Variants in LINGO2 observed in about 807,000 individuals in gnomAD.
The protein encoded by LINGO2 is leucine-rich repeat and immunoglobulin-like domain-containing nogo receptor-interacting protein 2.
In LINGO2, 14 loss-of-function variants were observed where a neutral mutation model predicts 30.6. The ratio of observed to expected loss-of-function variants is 0.46; its 90% confidence interval spans 0.30 to 0.72. The LOEUF is 0.72. LINGO2 is among the 30% of genes least tolerant of loss of function. The pLI is 0.07. For missense variants in LINGO2, 729 were observed against 751.7 expected (o/e 0.97, Z 0.35); for synonymous variants, 317 against 288.5 (o/e 1.10, Z -1.00).
intron 2 of LINGO2, among the ~76,000 whole-genome samples, chr9:28,404,746 T>A (rs78659696): frequency 0.025 from 3,852 of 152,304 alleles, 149 homozygotes; most frequent in African/African-American, 0.086. Context: ...TATTGTAATC[T>A]CACTTTGTGT....
At chr9:28,271,647 C>T (rs1248074781) in intron 4 of LINGO2, among the ~76,000 whole-genome samples, 1 of 152,096 alleles carries the variant, frequency 6.6e-6, no homozygotes, top group Admixed American at 6.6e-5. Context: ...CAATGGTTTC[C>T]ACTGGGCCAA....
the LINGO2 span, among the ~76,000 whole-genome samples, chr9:28,855,861 G>T: frequency 2.0e-5 from 3 of 152,054 alleles, no homozygotes; most frequent in Non-Finnish European, 4.4e-5. Context: ...AATCTGTTTA[G>T]TTCCTCCCTT....
chr9:28,125,410 T>A (rs1827208940), intron 4 of LINGO2, among the ~76,000 whole-genome samples: 1 of 152,146 alleles, frequency 6.6e-6, no homozygotes, highest in South Asian at 2.1e-4. Flanking sequence ...ACTGCTTATA[T>A]GCAGCATACA....
intron 4 of LINGO2, among the ~76,000 whole-genome samples, chr9:28,259,390 G>A (rs1181054870): frequency 2.6e-5 from 4 of 151,892 alleles, no homozygotes. Context: ...GAAGGGCATG[G>A]AAATAGTTTC....
chr9:29,037,275 G>A, the LINGO2 span, among the ~76,000 whole-genome samples: 5 of 151,750 alleles, frequency 3.3e-5, no homozygotes, highest in African/African-American at 1.2e-4. Flanking sequence ...GCTTTACTAA[G>A]AGTTGACTGA....
intron 4 of LINGO2, among the ~76,000 whole-genome samples, chr9:28,241,396 A>G (rs1364986106): frequency 2.6e-5 from 4 of 152,026 alleles, no homozygotes; most frequent in African/African-American, 4.8e-5. Context: ...AACAGTGTGC[A>G]AGTCCTGCAG....
At chr9:28,300,847 GGAA>G (rs1452070884) in intron 3 of LINGO2, among the ~76,000 whole-genome samples, 2 of 150,518 alleles carry the variant, frequency 1.3e-5, no homozygotes, top group Non-Finnish European at 2.9e-5. Context: ...AACAAATTAT[GGAA>G]GAAGAGTAGA....
chr9:28,272,935 C>A (rs189145338), intron 4 of LINGO2, among the ~76,000 whole-genome samples: 1 of 152,280 alleles, frequency 6.6e-6, no homozygotes, highest in African/African-American at 2.4e-5. Context: ...GGAGAGTTAC[C>A]CAGTCTTCAG....
At chr9:28,639,891 A>G (rs1827486176) in intron 1 of LINGO2, among the ~76,000 whole-genome samples, 1 of 152,078 alleles carries the variant, frequency 6.6e-6, no homozygotes, top group East Asian at 1.9e-4. Flanking sequence ...TTTGCTCGTT[A>G]GTTGATGCAG....
the LINGO2 span, among the ~76,000 whole-genome samples, chr9:28,960,468 G>C: frequency 2.0e-5 from 3 of 151,360 alleles, no homozygotes; most frequent in Admixed American, 1.3e-4. Flanking sequence ...TCATATGATG[G>C]AGCCAGCCTA....
intron 1 of LINGO2, among the ~76,000 whole-genome samples, chr9:28,524,945 GATTAGTCA>G (rs1367998510): frequency 6.6e-6 from 1 of 151,988 alleles, no homozygotes; most frequent in African/African-American, 2.4e-5. Flanking sequence ...TACTTAACAT[GATTAGTCA>G]ATAAGAAAAT....
Position 28,518,045 on chromosome 9 carries a change from T to G in LINGO2, c.-364-42020A>C, listed in dbSNP as rs184151589. On this transcript the variant is annotated intron_variant, in intron 1 of 5. Transcript: ENST00000379992. ...TGCATTACCCTTGGCAGTGAGTCAC[T>G]GGCATAACAGATAGGGTCCCAAAAT... 6.2e-4 allele frequency among the ~76,000 whole-genome samples: 94 copies of G among 152,228 alleles called. 1 individual carries two copies. The highest frequency in any genetic ancestry group is 9.1e-4 in the Non-Finnish European group (62 of 68,008).
At chr9:28,585,178 A>T (rs143654479) in intron 1 of LINGO2, among the ~76,000 whole-genome samples, 1 of 152,198 alleles carries the variant, frequency 6.6e-6, no homozygotes, top group African/African-American at 2.4e-5. Flanking sequence ...ATCCCAGACA[A>T]CATTTTTAAA....
chr9:28,380,051 T>A (rs1309626360), intron 2 of LINGO2, among the ~76,000 whole-genome samples: 5 of 152,092 alleles, frequency 3.3e-5, no homozygotes, highest in Non-Finnish European at 7.4e-5. Context: ...ATTATTTATG[T>A]CCTCTTTGCT....
At chr9:28,959,189 G>C in the LINGO2 span, among the ~76,000 whole-genome samples, 2 of 128,088 alleles carry the variant, frequency 1.6e-5, no homozygotes, top group Non-Finnish European at 3.5e-5. Context: ...TTGGAAATGA[G>C]AAATAAACCT....
At chr9:28,206,189 AAGG>A (rs1820405236) in intron 4 of LINGO2, among the ~76,000 whole-genome samples, 3 of 146,200 alleles carry the variant, frequency 2.1e-5, no homozygotes, top group African/African-American at 7.6e-5. Flanking sequence ...AAAAAAAAAA[AAGG>A]AGGAAGGAAG....
the LINGO2 span, among the ~76,000 whole-genome samples, chr9:29,010,805 C>A: frequency 6.6e-6 from 1 of 152,046 alleles, no homozygotes; most frequent in African/African-American, 2.4e-5. Context: ...TCACTCGAAC[C>A]CAGGAGGAGG....
the LINGO2 span, among the ~76,000 whole-genome samples, chr9:28,849,578 T>C: frequency 6.6e-6 from 1 of 152,012 alleles, no homozygotes; most frequent in African/African-American, 2.4e-5. Flanking sequence ...AAGCTGAGAC[T>C]TTTACAGTGC....
At chr9:28,285,796 ACTT>A (rs1362202304) in intron 4 of LINGO2, among the ~76,000 whole-genome samples, 1 of 152,112 alleles carries the variant, frequency 6.6e-6, no homozygotes, top group African/African-American at 2.4e-5. Flanking sequence ...GTCAATCACG[ACTT>A]CTTATAGATT....
Sources: gnomAD v4.1 joint callset for allele counts (sites outside exome capture counted in the v4.1 genomes callset) on GRCh38, gnomAD v4.1.1 for gene constraint, MANE v1.5 for transcripts, NCBI Gene and HGNC (gene_info 2026-07-23, HGNC 2026-07-21) for gene names.